Variants in KANSL1 observed in about 807,000 individuals in gnomAD.
KANSL1 encodes the protein MLL1/MLL complex subunit KANSL1.
In KANSL1, 22 loss-of-function variants were observed where a neutral mutation model predicts 103.6. The observed-to-expected ratio is 0.21, with a 90% confidence interval of 0.15 to 0.30. KANSL1 has a LOEUF of 0.30. Among genes scored for constraint, KANSL1 ranks in the 10% least tolerant of loss-of-function variants. The probability of loss-of-function intolerance (pLI) is 1.00; values close to 1 mark genes in which losing one functional copy is unlikely to be tolerated. For synonymous variants in KANSL1, 600 were observed against 527.6 expected (o/e 1.14, Z -1.88); for missense variants, 1,337 against 1,399.8 (o/e 0.96, Z 0.72).
chr17:46,066,482 C>G (rs773669609), intron 6 of KANSL1, 55 bp downstream of exon 6: 128 of 1,474,000 alleles, frequency 8.7e-5, no homozygotes, highest in Non-Finnish European at 1.0e-4. Context: ...GAGACTAACT[C>G]TATCTGAGCA....
At chr17:46,157,591 T>A (rs1321000730) in intron 2 of KANSL1, among the ~76,000 whole-genome samples, 1 of 152,244 alleles carries the variant, frequency 6.6e-6, no homozygotes, top group Non-Finnish European at 1.5e-5. Context: ...CTGCTTACTA[T>A]CAAGTTATCA....
Position 46,032,086 on chromosome 17 carries a change from A to G in KANSL1, c.3051T>C (p.Asp1017=). 1 of 1,614,170 alleles carries G rather than the reference A, an allele frequency of 6.2e-7. No individual in the cohort carries two copies. The highest frequency in any genetic ancestry group is 1.1e-5 in the South Asian group (1 of 91,080). The part of the protein sequence containing the change: ...RDTPRHLASE[D]TRCSTPELGL... ...CCAGCTCTGGTGTGGAACAACGGGT[A>G]TCCTCACTGGCTAAGTGTCGCGGAG... The change falls in exon 14 of 15, where the codon GAT becomes GAC. Residue 1017 remains aspartate (D), a synonymous_variant. Coordinates refer to ENST00000432791, the MANE Select transcript of KANSL1 (RefSeq NM_015443.4).
At chr17:46,167,740 AC>A (rs2046077779) in intron 2 of KANSL1, among the ~76,000 whole-genome samples, 1 of 152,396 alleles carries the variant, frequency 6.6e-6, no homozygotes, top group Admixed American at 6.5e-5. Context: ...CAAGCATAAT[AC>A]AATGATAAAC....
rs546492672 is a variant in KANSL1, at chr17:46,152,966, CCTG to C, written c.1289+17886_1289+17888del. On this transcript the variant is annotated intron_variant, in intron 2 of 14. Transcript: ENST00000432791. ...CTTTATTCTTGGCTGTATGGAGATA[CCTG>C]CTGACACAGAAGCACCAGGTCATGA... is the stretch of plus-strand genomic sequence containing the variant. 24 of 152,300 alleles carry C rather than the reference CCTG, an allele frequency of 1.6e-4. No homozygotes were observed. The South Asian group carries it at 2.1e-3, about 13-fold the overall frequency. The allele number at this position is 152,300 out of a possible 1,614,324, so 9.4% of individuals were successfully genotyped here. A position where few individuals can be genotyped will look rare whatever the true frequency, so the allele number is the denominator to read the frequency against.
At chr17:46,082,627 T>C (rs2079027165) in intron 3 of KANSL1, 85 bp from the exon 4 acceptor site, 1 of 705,360 alleles carries the variant, frequency 1.4e-6, no homozygotes, top group South Asian at 2.0e-5. Flanking sequence ...AAAAGGACTG[T>C]TGGTGTACTA....
intron 1 of KANSL1, among the ~76,000 whole-genome samples, chr17:46,178,730 A>C (rs1470484588): frequency 6.6e-6 from 1 of 152,212 alleles, no homozygotes; most frequent in Non-Finnish European, 1.5e-5. Context: ...TCCCAGATGG[A>C]GACTCACAAC....
rs151158325 is a variant in KANSL1 at position 46,158,538 on chromosome 17, T to C, written c.1289+12317A>G. Among the ~76,000 whole-genome samples, 16 of 151,820 alleles carry C rather than the reference T, an allele frequency of 1.1e-4. 1 individual carries two copies. In the East Asian group the frequency reaches 3.1e-3, roughly 29 times the overall value. On this transcript the variant is annotated intron_variant, in intron 2 of 14. Transcript: ENST00000432791. ...TCACCATGCCCAGCCAATTTTTGTA[T>C]TTTTTGTTTTGTTTGTTTTTGAGAC... is the stretch of plus-strand genomic sequence containing the variant.
chr17:46,202,874 C>T (rs1167305266), intron 1 of KANSL1, among the ~76,000 whole-genome samples: 1 of 152,188 alleles, frequency 6.6e-6, no homozygotes, highest in Non-Finnish European at 1.5e-5. Flanking sequence ...AATGAACCAA[C>T]TTTAACCAGC....
At chr17:46,065,612 T>G (rs1334093488) in intron 6 of KANSL1, among the ~76,000 whole-genome samples, 1 of 152,142 alleles carries the variant, frequency 6.6e-6, no homozygotes, top group Non-Finnish European at 1.5e-5. Context: ...GTGGTTAACA[T>G]GCACCAAATT....
At chr17:46,129,995 G>A (rs1181898202) in intron 2 of KANSL1, among the ~76,000 whole-genome samples, 3 of 152,028 alleles carry the variant, frequency 2.0e-5, no homozygotes, top group South Asian at 2.1e-4. Context: ...AGACCAGCCC[G>A]GGCAACATGG....
At chr17:46,182,899 C>T (rs1313507596) in intron 1 of KANSL1, among the ~76,000 whole-genome samples, 2 of 152,182 alleles carry the variant, frequency 1.3e-5, no homozygotes, top group African/African-American at 2.4e-5. Context: ...GAATTTTAGT[C>T]TTTAGAGGAA....
intron 2 of KANSL1, among the ~76,000 whole-genome samples, chr17:46,135,600 G>A (rs2044096778): frequency 6.8e-6 from 1 of 146,094 alleles, no homozygotes; most frequent in African/African-American, 2.5e-5. Context: ...ACTGGAGTAC[G>A]GAGCCATAAT....
chr17:46,186,369 G>A (rs2047035068), intron 1 of KANSL1, among the ~76,000 whole-genome samples: 2 of 150,552 alleles, frequency 1.3e-5, no homozygotes, highest in African/African-American at 4.9e-5. Context: ...GGGGCACAGA[G>A]CGAGACTGTG....
chr17:46,187,570 A>G (rs1204699350), intron 1 of KANSL1, among the ~76,000 whole-genome samples: 1 of 152,260 alleles, frequency 6.6e-6, no homozygotes, highest in Admixed American at 6.5e-5. Flanking sequence ...GCCAGGAAAA[A>G]AAAGGGTAAG....
chr17:46,031,362 G>A lies in KANSL1; in HGVS notation c.*114C>T, dbSNP rs546370187. 6.1e-6 allele frequency: 6 copies of A among 981,642 alleles called. No individual in the cohort carries two copies. In the African/African-American group the frequency reaches 9.8e-5, roughly 16 times the overall value. The allele number at this position is 981,642 out of a possible 1,614,324, so 60.8% of individuals were successfully genotyped here. On this transcript the variant is annotated 3_prime_UTR_variant, in exon 15 of 15. Transcript: ENST00000432791. ...CCAAAGTAGGATCTAAATTCCTTAA[G>A]TTCACTAAAAACTGTGAAAATTTCC...
intron 8 of KANSL1, 154 bp downstream of exon 8, chr17:46,039,548 C>T (rs1015202385): frequency 7.4e-6 from 6 of 815,230 alleles, no homozygotes; most frequent in African/African-American, 1.7e-5. Flanking sequence ...TGAGAGCATC[C>T]AAGACAAGCA....
chr17:46,099,184 C>G, intron 2 of KANSL1, among the ~76,000 whole-genome samples: 1 of 144,768 alleles, frequency 6.9e-6, no homozygotes, highest in Non-Finnish European at 1.6e-5. Flanking sequence ...ATTAGCCGGG[C>G]GTGATGGCGG....
upstream of KANSL1, among the ~76,000 whole-genome samples, chr17:46,197,838 A>C (rs2047664781): frequency 6.6e-6 from 1 of 152,240 alleles, no homozygotes; most frequent in South Asian, 2.1e-4. Flanking sequence ...TATTCCAAAA[A>C]GGCACTCTCT....
At chr17:46,034,590 T>A in intron 10 of KANSL1, 1 of 342,586 alleles carries the variant, frequency 2.9e-6, no homozygotes, top group South Asian at 2.6e-5. Flanking sequence ...ACTGTTGGGG[T>A]TCCTACTCTA....
Sources: gnomAD v4.1 joint callset for allele counts (sites outside exome capture counted in the v4.1 genomes callset) on GRCh38, gnomAD v4.1.1 for gene constraint, MANE v1.5 for transcripts, NCBI Gene and HGNC (gene_info 2026-07-23, HGNC 2026-07-21) for gene names.